RBFOX1: variants seen among roughly 807,000 people sequenced by gnomAD.
The protein encoded by RBFOX1 is RNA binding fox-1 homolog 1, also known as RNA binding protein fox-1 homolog 1.
A neutral mutation model predicts 57.7 loss-of-function variants in RBFOX1; 8 were observed. The observed-to-expected ratio is 0.14, with a 90% confidence interval of 0.08 to 0.25. The LOEUF (loss-of-function observed/expected upper bound fraction) is 0.25. Among genes scored for constraint, RBFOX1 ranks in the 10% least tolerant of loss-of-function variants. RBFOX1 has a pLI of 1.00. For missense variants in RBFOX1, 611 were observed against 548.5 expected (o/e 1.11, Z -1.14); for synonymous variants, 326 against 222.4 (o/e 1.47, Z -4.15).
At chr16:6,890,739 C>T (rs1026263591) in intron 3 of RBFOX1, among the ~76,000 whole-genome samples, 1 of 152,148 alleles carries the variant, frequency 6.6e-6, no homozygotes, top group Non-Finnish European at 1.5e-5. Context: ...AAGGAGAGTG[C>T]CTAAATTCAC....
chr16:7,267,513 G>A (rs2095192007), intron 4 of RBFOX1, among the ~76,000 whole-genome samples: 1 of 152,004 alleles, frequency 6.6e-6, no homozygotes, highest in Non-Finnish European at 1.5e-5. Flanking sequence ...TCCAGCCTGG[G>A]CAACAGAGTG....
chr16:6,837,032 T>C (rs1231917204), intron 3 of RBFOX1, among the ~76,000 whole-genome samples: 1 of 152,160 alleles, frequency 6.6e-6, no homozygotes, highest in African/African-American at 2.4e-5. Flanking sequence ...TACTCGGCTT[T>C]TACAGTAAGC....
At position 6,170,836 on chromosome 16, in the gene RBFOX1, C is replaced by A. The variant is rs186693154; in HGVS notation, c.-126-146159C>A. On this transcript the variant is annotated intron_variant, in intron 1 of 15. Transcript: ENST00000550418. ...AGTACCGTTTATTAGTGAGAACATGCGGTATTTGGTTTTCTGTTCCTGCCT... is the reference window on the plus strand; with the variant it reads ...AGTACCGTTTATTAGTGAGAACATGAGGTATTTGGTTTTCTGTTCCTGCCT... Among the ~76,000 whole-genome samples, 425 of 152,182 alleles carry A rather than the reference C, an allele frequency of 2.8e-3. 2 individuals are homozygous for A. Among genetic ancestry groups the A allele is most frequent in the African/African-American group, 9.4e-3 (390 of 41,524 alleles).
At chr16:6,580,016 C>G (rs187733942) in intron 2 of RBFOX1, among the ~76,000 whole-genome samples, 11 of 151,842 alleles carry the variant, frequency 7.2e-5, no homozygotes, top group African/African-American at 2.7e-4. Context: ...TGGAGTGCAG[C>G]GGTGTGATCT....
intron 2 of RBFOX1, among the ~76,000 whole-genome samples, chr16:6,488,543 C>G (rs2095556396): frequency 6.6e-6 from 1 of 152,114 alleles, no homozygotes; most frequent in Admixed American, 6.5e-5. Flanking sequence ...GATGGAGAAA[C>G]AATTTTCAAG....
intron 2 of RBFOX1, among the ~76,000 whole-genome samples, chr16:6,499,729 T>G (rs1054740017): frequency 2.0e-5 from 3 of 152,092 alleles, no homozygotes; most frequent in Non-Finnish European, 4.4e-5. Flanking sequence ...TATTGTGCAA[T>G]CTCGTAGGGC....
At chr16:5,863,557 G>A (rs1406819604) in intron 3 of RBFOX1, among the ~76,000 whole-genome samples, 1 of 152,192 alleles carries the variant, frequency 6.6e-6, no homozygotes, top group Non-Finnish European at 1.5e-5. Context: ...GTCTGTGGGT[G>A]CACATTCATG....
At chr16:6,409,107 A>C (rs1319398217) in intron 2 of RBFOX1, among the ~76,000 whole-genome samples, 4 of 152,190 alleles carry the variant, frequency 2.6e-5, no homozygotes, top group Non-Finnish European at 5.9e-5. Context: ...TTCAAATACT[A>C]ATGTTTTATA....
chr16:6,876,431 C>T (rs927428832), intron 3 of RBFOX1, among the ~76,000 whole-genome samples: 14 of 59,358 alleles, frequency 2.4e-4, no homozygotes, highest in African/African-American at 1.5e-3. Flanking sequence ...CAAAGTCACT[C>T]TTAAAAATGA....
chr16:6,626,411 G>A (rs2098308395), intron 2 of RBFOX1, among the ~76,000 whole-genome samples: 1 of 152,112 alleles, frequency 6.6e-6, no homozygotes, highest in Non-Finnish European at 1.5e-5. Context: ...TTCCTCCTTT[G>A]CTGTGGATTC....
At chr16:5,769,091 CAATT>C (rs1307541532) in intron 3 of RBFOX1, among the ~76,000 whole-genome samples, 1 of 151,902 alleles carries the variant, frequency 6.6e-6, no homozygotes, top group Non-Finnish European at 1.5e-5. Context: ...AAAAAAGAGT[CAATT>C]AAATATTGAT....
chr16:5,989,843 A>AACACACACACACACAC (rs199624083), intron 4 of RBFOX1, among the ~76,000 whole-genome samples: 23 of 20,712 alleles, frequency 1.1e-3, no homozygotes, highest in African/African-American at 4.6e-3. Flanking sequence ...AACACCCCCT[A>AACACACACACACACAC]ACACACACAC....
upstream of RBFOX1, among the ~76,000 whole-genome samples, chr16:6,016,049 A>G (rs373778936): frequency 1.2e-3 from 187 of 152,370 alleles, 1 homozygote; most frequent in African/African-American, 4.3e-3. Flanking sequence ...CCATTTAGAC[A>G]GCAATCTACT....
At chr16:7,663,876 C>T (rs951019302) in intron 12 of RBFOX1, among the ~76,000 whole-genome samples, 2 of 152,178 alleles carry the variant, frequency 1.3e-5, no homozygotes, top group African/African-American at 2.4e-5. Context: ...ATCAGTTTCT[C>T]ACGACCACGT....
At position 7,710,658 on chromosome 16, in the gene RBFOX1, G is replaced by A. The variant is rs200118182; in HGVS notation, c.1107G>A (p.Arg369=). 8 of 1,613,466 alleles carry A rather than the reference G, an allele frequency of 5.0e-6. No homozygotes were observed. In the East Asian group the frequency reaches 8.9e-5, roughly 18 times the overall value. Residue 369 remains arginine (R), a synonymous_variant, in exon 16 of 16, where the codon AGG becomes AGA. Coordinates refer to ENST00000550418, the MANE Select transcript of RBFOX1 (RefSeq NM_018723.4). The part of the protein sequence containing the change: ...AFAPLTDAKT[R]SHADDVGLVL... ...CACCTTTGACTGATGCCAAGACTAGGAGCCATGCTGATGATGTGGGTCTCG... is the reference window on the plus strand; with the variant it reads ...CACCTTTGACTGATGCCAAGACTAGAAGCCATGCTGATGATGTGGGTCTCG...
chr16:7,577,281 GCTTTGCACAGTGTC>G lies in RBFOX1; in HGVS notation c.271-2490_271-2477del, dbSNP rs1403487776. On this transcript the variant is annotated intron_variant, in intron 5 of 15. Coordinates refer to ENST00000550418, the MANE Select transcript of RBFOX1 (RefSeq NM_018723.4). Reference sequence around the variant, plus strand: ...CTCTTAGGATGAAGCTCAGACTCTTGCTTTGCACAGTGTCCTTTGATCTAGCCCCTTGACTATCT... The same window carrying G: ...CTCTTAGGATGAAGCTCAGACTCTTGCTTTGATCTAGCCCCTTGACTATCT... Among the ~76,000 whole-genome samples, 7 of 152,238 alleles carry G rather than the reference GCTTTGCACAGTGTC, an allele frequency of 4.6e-5. No individual in the cohort carries two copies. In the East Asian group the frequency reaches 7.7e-4, roughly 17 times the overall value.
At chr16:6,490,800 C>T (rs919996985) in intron 2 of RBFOX1, among the ~76,000 whole-genome samples, 2 of 152,194 alleles carry the variant, frequency 1.3e-5, no homozygotes, top group Admixed American at 6.5e-5. Context: ...CTTTATATTT[C>T]AGGCCCAATA....
At chr16:7,041,958 T>C (rs531663288) in intron 3 of RBFOX1, among the ~76,000 whole-genome samples, 27 of 152,304 alleles carry the variant, frequency 1.8e-4, no homozygotes, top group Admixed American at 1.4e-3. Flanking sequence ...AGAGATTATA[T>C]AATATGGCTA....
intron 4 of RBFOX1, among the ~76,000 whole-genome samples, chr16:7,420,641 T>C (rs1378857386): frequency 6.6e-6 from 1 of 151,988 alleles, no homozygotes; most frequent in Non-Finnish European, 1.5e-5. Flanking sequence ...GTGAAATTTG[T>C]TTTTCATGCT....
Sources: allele counts gnomAD v4.1 joint callset (sites outside exome capture counted in the v4.1 genomes callset), GRCh38; gene constraint gnomAD v4.1.1; transcripts MANE v1.5; gene names NCBI Gene and HGNC (gene_info 2026-07-23, HGNC 2026-07-21).